The following PXDNL variants were observed in gnomAD, a reference collection of about 807,000 sequenced individuals.
PXDNL encodes the protein probable oxidoreductase PXDNL.
In PXDNL, 145 loss-of-function variants were observed where a neutral mutation model predicts 150.8. The ratio of observed to expected loss-of-function variants is 0.96; its 90% CI spans 0.84 to 1.10. The LOEUF (loss-of-function observed/expected upper bound fraction) is 1.10, where lower values mean the gene tolerates loss of function less well. PXDNL is among the 50% of genes least tolerant of loss of function. The pLI, the probability that PXDNL is intolerant of heterozygous loss-of-function variation, is 0.00. For missense variants in PXDNL, 2,087 were observed against 1,873.9 expected, an observed-to-expected ratio of 1.11 and a Z score of -2.10; for synonymous variants, 757 against 725.7, an observed-to-expected ratio of 1.04 and a Z score of -0.69.
At chr8:51,331,246 G>T (rs975239196) in intron 21 of PXDNL, among the ~76,000 whole-genome samples, 4 of 152,104 alleles carry the variant, frequency 2.6e-5, no homozygotes, top group Non-Finnish European at 4.4e-5. Flanking sequence ...AGATGTTCCC[G>T]ACTTTACCTG....
At chr8:51,356,447 C>G (rs1490802731) in intron 19 of PXDNL, among the ~76,000 whole-genome samples, 1 of 150,684 alleles carries the variant, frequency 6.6e-6, no homozygotes, top group African/African-American at 2.4e-5. Context: ...CGAGATTGCC[C>G]CATTGCACTC....
At chr8:51,515,671 G>A (rs559835024) in intron 4 of PXDNL, among the ~76,000 whole-genome samples, 3 of 152,168 alleles carry the variant, frequency 2.0e-5, no homozygotes, top group Admixed American at 6.5e-5. Flanking sequence ...CTCTTGGCTT[G>A]ATTTGTCTGA....
At chr8:51,581,492 T>C (rs1025211159) in intron 3 of PXDNL, among the ~76,000 whole-genome samples, 22 of 138,628 alleles carry the variant, frequency 1.6e-4, no homozygotes, top group Middle Eastern at 3.3e-3. Context: ...AGACCCTGTC[T>C]CTAAATAAAT....
intron 19 of PXDNL, among the ~76,000 whole-genome samples, chr8:51,365,600 G>C (rs1047956603): frequency 5.3e-5 from 8 of 152,106 alleles, no homozygotes; most frequent in African/African-American, 1.9e-4. Context: ...AATTTTAAAC[G>C]TTTGCATGCA....
intron 13 of PXDNL, among the ~76,000 whole-genome samples, chr8:51,426,010 A>G (rs1418563145): frequency 6.6e-6 from 1 of 152,196 alleles, no homozygotes. Context: ...CACAGATTTT[A>G]TATTTTGTCA....
chr8:51,605,120 C>T (rs1310318734), intron 2 of PXDNL, among the ~76,000 whole-genome samples: 1 of 151,982 alleles, frequency 6.6e-6, no homozygotes, highest in Non-Finnish European at 1.5e-5. Flanking sequence ...TATATTATTG[C>T]CTTGTACCAT....
At chr8:51,808,856 G>A (rs2037705209) in intron 1 of PXDNL, among the ~76,000 whole-genome samples, 1 of 152,212 alleles carries the variant, frequency 6.6e-6, no homozygotes, top group Non-Finnish European at 1.5e-5. Flanking sequence ...AGACTTGGGA[G>A]TAGAGGATGA....
intron 20 of PXDNL, among the ~76,000 whole-genome samples, chr8:51,340,563 T>C (rs2130681870): frequency 6.6e-6 from 1 of 152,378 alleles, no homozygotes; most frequent in South Asian, 2.1e-4. Context: ...TTGAAATATG[T>C]CTTCCATTGT....
chr8:51,512,725 G>C (rs908982561), intron 4 of PXDNL, among the ~76,000 whole-genome samples: 15 of 152,216 alleles, frequency 9.9e-5, no homozygotes, highest in African/African-American at 3.6e-4. Flanking sequence ...CAAGGACAAA[G>C]TTTCCAACCT....
At chr8:51,443,333 AG>A (rs1398853394) in intron 12 of PXDNL, among the ~76,000 whole-genome samples, 9 of 152,214 alleles carry the variant, frequency 5.9e-5, no homozygotes, top group African/African-American at 2.2e-4. Flanking sequence ...ATACGAAAAA[AG>A]CCAGCTCTTT....
At chr8:51,418,728 C>A (rs920172262) in intron 14 of PXDNL, among the ~76,000 whole-genome samples, 1 of 152,088 alleles carries the variant, frequency 6.6e-6, no homozygotes, top group African/African-American at 2.4e-5. Context: ...AAGAAAAGGT[C>A]CCACTAACCT....
intron 1 of PXDNL, among the ~76,000 whole-genome samples, chr8:51,764,833 GTGT>G (rs2131006652): frequency 6.6e-6 from 1 of 152,274 alleles, no homozygotes; most frequent in South Asian, 2.1e-4. Context: ...CTGCGTTATG[GTGT>G]TGTTCAAGTT....
At position 51,482,301 on chromosome 8, in the gene PXDNL, C is replaced by T. The variant is rs139074762; in HGVS notation, c.524+1342G>A. Among the ~76,000 whole-genome samples the T allele has an allele frequency of 3.3e-3, 497 of 152,292 alleles. 8 individuals carry two copies. The highest frequency in any genetic ancestry group is 0.011 in the African/African-American group (476 of 41,552). ...GGGACTTGTAGCCCCTTCATTCTGG[C>T]CAATTTCTGCCATTTGGAATGACTG... is the stretch of plus-strand genomic sequence containing the variant. On this transcript the variant is annotated intron_variant, in intron 6 of 22. Coordinates refer to ENST00000356297, the MANE Select transcript of PXDNL (RefSeq NM_144651.5).
At chr8:51,468,330 T>G (rs528239104) in intron 8 of PXDNL, among the ~76,000 whole-genome samples, 2 of 152,076 alleles carry the variant, frequency 1.3e-5, no homozygotes, top group East Asian at 3.9e-4. Flanking sequence ...ATATAAAGGT[T>G]CATGAATTTT....
chr8:51,746,937 G>T (rs1021279530), intron 1 of PXDNL, among the ~76,000 whole-genome samples: 1 of 151,852 alleles, frequency 6.6e-6, no homozygotes, highest in Admixed American at 6.6e-5. Flanking sequence ...TGGCCAGGCT[G>T]GTCTTGAACT....
chr8:51,409,238 C>CG lies in PXDNL; in HGVS notation c.2385dup (p.Asp796ArgfsTer225). On this transcript the variant is annotated frameshift_variant, in exon 17 of 23. Transcript: ENST00000356297. LOFTEE classifies it high-confidence loss of function. ...ATGAGCATGCGCGTGTAGCTGTGGTCGGGGGTGACGGCCGCCGCGCGCGCC... is the reference window on the plus strand; with the variant it reads ...ATGAGCATGCGCGTGTAGCTGTGGTCGGGGGGTGACGGCCGCCGCGCGCGCC... 5 of 1,525,110 alleles carry CG rather than the reference C, an allele frequency of 3.3e-6. No individual in the cohort carries two copies. Among genetic ancestry groups the CG allele is most frequent in the South Asian group, 2.4e-5 (2 of 82,068 alleles). 94.5% of individuals were successfully genotyped at this position (1,525,110 alleles called of 1,614,324 possible).
At chr8:51,373,845 C>A (rs1399110783) in intron 18 of PXDNL, among the ~76,000 whole-genome samples, 2 of 152,156 alleles carry the variant, frequency 1.3e-5, no homozygotes, top group Admixed American at 1.3e-4. Flanking sequence ...CTGGAACATA[C>A]TTGATTCCAA....
chr8:51,351,555 G>A (rs1296863065), intron 19 of PXDNL, among the ~76,000 whole-genome samples: 1 of 152,236 alleles, frequency 6.6e-6, no homozygotes, highest in Non-Finnish European at 1.5e-5. Flanking sequence ...AGCCTCTGGA[G>A]TGGGGAGACA....
intron 6 of PXDNL, 49 bp from the exon 7 acceptor site, chr8:51,475,190 C>T: frequency 7.9e-6 from 12 of 1,526,134 alleles, no homozygotes; most frequent in Non-Finnish European, 1.1e-5. Flanking sequence ...CTATTAATTT[C>T]TATGATGAAT....
Sources: gnomAD v4.1 joint callset for allele counts (sites outside exome capture counted in the v4.1 genomes callset) on GRCh38, gnomAD v4.1.1 for gene constraint, MANE v1.5 for transcripts, NCBI Gene and HGNC (gene_info 2026-07-23, HGNC 2026-07-21) for gene names.